Variants in LARP4B observed in about 807,000 individuals in gnomAD.
LARP4B encodes the protein La ribonucleoprotein 4B.
In LARP4B, 12 loss-of-function variants were observed where a neutral mutation model predicts 89.8. The ratio of observed to expected loss-of-function variants is 0.13; its 90% CI spans 0.09 to 0.22. The LOEUF is 0.22. LARP4B is among the 10% of genes least tolerant of loss of function. The pLI is 1.00. For synonymous variants in LARP4B, 367 were observed against 363.3 expected (o/e 1.01, Z -0.12); for missense variants, 757 against 947.7 (o/e 0.80, Z 2.64).
intron 5 of LARP4B, among the ~76,000 whole-genome samples, chr10:854,497 A>T (rs1216860448): frequency 6.6e-6 from 1 of 152,242 alleles, no homozygotes; most frequent in African/African-American, 2.4e-5. Context: ...ATCAACATTC[A>T]TCTCCTTGTA....
chr10:896,530 T>C (rs1836194330), intron 1 of LARP4B, among the ~76,000 whole-genome samples: 1 of 152,208 alleles, frequency 6.6e-6, no homozygotes, highest in African/African-American at 2.4e-5. Context: ...ACAATGCCAC[T>C]CTTCCCACTG....
At chr10:955,004 C>T in the LARP4B span, among the ~76,000 whole-genome samples, 2 of 36,318 alleles carry the variant, frequency 5.5e-5, no homozygotes, top group African/African-American at 1.4e-4. This position sits in a 1 kb window ranked among gnomAD's most constrained non-coding sequence, Gnocchi z 5.2. Context: ...CTCCCATCCA[C>T]GCTTCCCCAG....
At chr10:930,908 C>A (rs972581113) in intron 1 of LARP4B, among the ~76,000 whole-genome samples, 3 of 151,128 alleles carry the variant, frequency 2.0e-5, no homozygotes, top group Non-Finnish European at 3.0e-5. Flanking sequence ...GCAAGGCTGG[C>A]GCCGCACTGC....
the LARP4B span, chr10:972,756 G>C: frequency 4.4e-6 from 2 of 456,760 alleles, no homozygotes; most frequent in African/African-American, 2.0e-5. Context: ...ATAAGGCAGA[G>C]AAAAGTAGTT....
chr10:908,487 C>T (rs867313307), intron 1 of LARP4B, among the ~76,000 whole-genome samples: 10 of 152,260 alleles, frequency 6.6e-5, no homozygotes, highest in Admixed American at 1.3e-4. Context: ...CAACCTGTGG[C>T]GTGGGAGTGG....
At chr10:851,980 C>T (rs941908257) in intron 5 of LARP4B, among the ~76,000 whole-genome samples, 4 of 152,052 alleles carry the variant, frequency 2.6e-5, no homozygotes, top group East Asian at 1.9e-4. Flanking sequence ...GCGGGAGAAT[C>T]GCCTGAGACC....
At chr10:845,722 T>C (rs1016528649) in intron 5 of LARP4B, among the ~76,000 whole-genome samples, 1 of 152,240 alleles carries the variant, frequency 6.6e-6, no homozygotes, top group Non-Finnish European at 1.5e-5. Context: ...TTTGGAGCTC[T>C]AGAAGACACT....
intron 5 of LARP4B, among the ~76,000 whole-genome samples, chr10:849,248 A>G (rs1235479921): frequency 2.0e-5 from 3 of 152,218 alleles, no homozygotes; most frequent in African/African-American, 4.8e-5. Context: ...TTGGTTTCTG[A>G]TATCACTGTC....
the LARP4B span, among the ~76,000 whole-genome samples, chr10:975,369 C>T: frequency 1.4e-4 from 21 of 152,170 alleles, no homozygotes; most frequent in Non-Finnish European, 2.2e-4. Context: ...CAGGGTCTGC[C>T]GCACAGCTGG....
intron 3 of LARP4B, chr10:873,430 A>C (rs1212604083): frequency 1.0e-6 from 1 of 983,808 alleles, no homozygotes; most frequent in African/African-American, 1.7e-5. Flanking sequence ...TACTCTCATA[A>C]ACTCAATAAA....
At chr10:931,965 A>C (rs1564451805), upstream of LARP4B, among the ~76,000 whole-genome samples, 1 of 139,914 alleles carries the variant, frequency 7.1e-6, no homozygotes, top group African/African-American at 2.8e-5. Flanking sequence ...CGCACGCCGC[A>C]CGTCCGCCCC....
chr10:866,016 A>G (rs867192962), intron 3 of LARP4B, among the ~76,000 whole-genome samples: 1 of 152,230 alleles, frequency 6.6e-6, no homozygotes, highest in South Asian at 2.1e-4. Flanking sequence ...AATTTTTAAA[A>G]GACAGAATAA....
At chr10:821,031 T>C in intron 13 of LARP4B, 186 bp from the exon 14 acceptor site, 1 of 593,474 alleles carries the variant, frequency 1.7e-6, no homozygotes, top group Non-Finnish European at 3.0e-6. Context: ...AACACAAAGT[T>C]GACAGCAAGG....
At chr10:935,437 A>G (rs1210259118), upstream of LARP4B, among the ~76,000 whole-genome samples, 1 of 152,178 alleles carries the variant, frequency 6.6e-6, no homozygotes, top group Admixed American at 6.5e-5. Context: ...GTTACAGCCC[A>G]AATGTCAACC....
chr10:842,026 G>C (rs1053889206), intron 7 of LARP4B, among the ~76,000 whole-genome samples: 6 of 151,490 alleles, frequency 4.0e-5, no homozygotes, highest in Admixed American at 1.3e-4. Context: ...ATAAGCCAGG[G>C]ACAACGTGAA....
At chr10:905,288 T>C (rs1274194101) in intron 1 of LARP4B, among the ~76,000 whole-genome samples, 1 of 152,218 alleles carries the variant, frequency 6.6e-6, no homozygotes, top group Non-Finnish European at 1.5e-5. Flanking sequence ...TTTAACAGTG[T>C]TATAAGTGGT....
Position 813,028 on chromosome 10 carries a change from G to C in LARP4B, c.2115C>G (p.Ala705=), listed in dbSNP as rs778815641. The C allele has an allele frequency of 3.1e-6, 5 of 1,610,782 alleles. No homozygotes were observed. The highest frequency in any genetic ancestry group is 4.2e-6 in the Non-Finnish European group (5 of 1,179,398). Residue 705 remains alanine (A), a synonymous_variant, in exon 18 of 18, where the codon GCC becomes GCG. Transcript: ENST00000316157. Reference sequence around the variant, plus strand: ...CCGCCGGCCGCCTCTGGTCTCTGGGGGCTCCAGGTGTGGACTTGAGGGCTG... The same window carrying C: ...CCGCCGGCCGCCTCTGGTCTCTGGGCGCTCCAGGTGTGGACTTGAGGGCTG... ...EPPALKSTPG[A]PRDQRRPAGG...
intron 5 of LARP4B, among the ~76,000 whole-genome samples, chr10:860,251 G>T (rs1834530927): frequency 1.3e-5 from 2 of 152,014 alleles, no homozygotes. Context: ...TAGTCCTTAG[G>T]GAAACATAAA....
the LARP4B span, among the ~76,000 whole-genome samples, chr10:938,552 C>T: frequency 6.6e-6 from 1 of 152,142 alleles, no homozygotes; most frequent in Non-Finnish European, 1.5e-5. Flanking sequence ...CGCGCCCGGC[C>T]GAATTGGTTC....
Sources: allele counts gnomAD v4.1 joint callset (sites outside exome capture counted in the v4.1 genomes callset), GRCh38; gene constraint gnomAD v4.1.1; non-coding constraint Gnocchi (gnomAD v3.1); transcripts MANE v1.5; gene names NCBI Gene and HGNC (gene_info 2026-07-23, HGNC 2026-07-21).